AR: variants seen among roughly 807,000 people sequenced by gnomAD.
The protein encoded by AR is dihydrotestosterone receptor.
AR carries 8 observed loss-of-function variants against 53.9 expected under a neutral mutation model. The ratio of observed to expected loss-of-function variants is 0.15; its 90% CI spans 0.09 to 0.27. The LOEUF (loss-of-function observed/expected upper bound fraction) is 0.27. Among genes scored for constraint, AR ranks in the 10% least tolerant of loss-of-function variants. The pLI, the probability that AR is intolerant of heterozygous loss-of-function variation, is 1.00. For missense variants in AR, 639 were observed against 742.5 expected, an observed-to-expected ratio of 0.86 and a Z score of 1.62; for synonymous variants, 359 against 316.4, an observed-to-expected ratio of 1.13 and a Z score of -1.43.
intron 1 of AR, among the ~76,000 whole-genome samples, chrX:67,640,481 C>G (rs933839262): frequency 9.0e-6 from 1 of 111,509 alleles, no homozygotes; most frequent in Non-Finnish European, 1.9e-5. Flanking sequence ...CTATTAATTA[C>G]TTCCTCAATT....
intron 2 of AR, among the ~76,000 whole-genome samples, chrX:67,683,862 C>T (rs1269058344): frequency 3.7e-5 from 4 of 109,000 alleles, no homozygotes; most frequent in Admixed American, 2.0e-4. Context: ...GGAAATTATC[C>T]GAGTTCCAAA....
At chrX:67,568,905 G>C (rs1303789424) in intron 1 of AR, 1 of 1,205,070 alleles carries the variant, frequency 8.3e-7, no homozygotes, top group East Asian at 3.0e-5. Context: ...GCAAATGCCT[G>C]CCTGAAGCTG....
At chrX:67,639,229 A>G (rs1055176423) in intron 1 of AR, among the ~76,000 whole-genome samples, 1 of 111,943 alleles carries the variant, frequency 8.9e-6, no homozygotes, top group East Asian at 2.8e-4. Context: ...GCCTTGTAGT[A>G]TAGTTTGAAG....
At chrX:67,653,757 C>G (rs962179046) in intron 2 of AR, among the ~76,000 whole-genome samples, 6 of 110,732 alleles carry the variant, frequency 5.4e-5, no homozygotes, top group African/African-American at 1.6e-4. Context: ...AGATGCAGTG[C>G]AAAAGCACCA....
intron 1 of AR, among the ~76,000 whole-genome samples, chrX:67,587,960 A>T (rs1483063309): frequency 9.2e-6 from 1 of 109,070 alleles, no homozygotes; most frequent in Non-Finnish European, 1.9e-5. Flanking sequence ...CTACTGCTCC[A>T]TGTTGAAATG....
At chrX:67,672,640 C>T (rs1423866893) in intron 2 of AR, among the ~76,000 whole-genome samples, 1 of 111,240 alleles carries the variant, frequency 9.0e-6, no homozygotes, top group African/African-American at 3.3e-5. Flanking sequence ...AAAAACTCTA[C>T]ATTTTAACTT....
At chrX:67,645,489 A>T (rs1289703638) in intron 2 of AR, among the ~76,000 whole-genome samples, 1 of 111,003 alleles carries the variant, frequency 9.0e-6, no homozygotes, top group Non-Finnish European at 1.9e-5. Context: ...CAACTCACAG[A>T]ACACACAGAA....
At chrX:67,709,094 C>T (rs1349094008) in intron 3 of AR, among the ~76,000 whole-genome samples, 9 of 112,072 alleles carry the variant, frequency 8.0e-5, no homozygotes, top group Non-Finnish European at 1.7e-4. Flanking sequence ...GTCAGGGAGC[C>T]ACTTGAGGAG....
intron 1 of AR, among the ~76,000 whole-genome samples, chrX:67,629,360 T>C (rs1392088611): frequency 4.6e-5 from 5 of 109,681 alleles, no homozygotes; most frequent in Admixed American, 1.9e-4. Flanking sequence ...CCTGGTTTAG[T>C]CTTGGGAGGG....
At chrX:67,682,149 G>C (rs918189458) in intron 2 of AR, among the ~76,000 whole-genome samples, 3 of 111,677 alleles carry the variant, frequency 2.7e-5, no homozygotes, top group Non-Finnish European at 5.6e-5. Flanking sequence ...AGATAAGGAT[G>C]CTCACTCTCA....
At chrX:67,631,402 G>C (rs371761645) in intron 1 of AR, among the ~76,000 whole-genome samples, 4 of 110,978 alleles carry the variant, frequency 3.6e-5, no homozygotes, top group Admixed American at 1.9e-4. Context: ...ATCTTCCATC[G>C]CTGATACCCT....
rs748028548 is a variant in AR at position 67,701,035 on chromosome X, A to G, written c.1886-10367A>G. ...TTGCCCCAGAGAACAGTGTACATTC[A>G]CAGCATTATTCAGTAGAACTTTCTG... On this transcript the variant is annotated intron_variant, in intron 3 of 7. Coordinates refer to ENST00000374690, the MANE Select transcript of AR (RefSeq NM_000044.6). Among the ~76,000 whole-genome samples, 6 of 111,723 alleles carry G rather than the reference A, an allele frequency of 5.4e-5. No homozygotes were observed. The East Asian group carries it at 1.7e-3, about 32-fold the overall frequency.
intron 2 of AR, among the ~76,000 whole-genome samples, chrX:67,675,341 C>T (rs770352664): frequency 1.8e-5 from 2 of 110,845 alleles, no homozygotes; most frequent in South Asian, 7.8e-4. Context: ...AGTCCACTGG[C>T]TCTGAGGCTA....
chrX:67,570,180 C>T (rs190617456), intron 1 of AR, among the ~76,000 whole-genome samples: 8 of 111,783 alleles, frequency 7.2e-5, no homozygotes, highest in African/African-American at 9.7e-5. Context: ...TGTATGTGTA[C>T]GCATCCATGT....
chrX:67,682,430 G>A (rs1254170935), intron 2 of AR, among the ~76,000 whole-genome samples: 4 of 109,843 alleles, frequency 3.6e-5, no homozygotes, highest in African/African-American at 1.3e-4. Flanking sequence ...GAGTACAGGT[G>A]CACACCACCA....
chrX:67,672,394 G>T (rs1230226624), intron 2 of AR, among the ~76,000 whole-genome samples: 2 of 110,573 alleles, frequency 1.8e-5, no homozygotes, highest in Admixed American at 1.9e-4. Flanking sequence ...TTGTTTTCTG[G>T]TTATTCTGTG....
intron 5 of AR, among the ~76,000 whole-genome samples, chrX:67,719,567 C>T (rs889973060): frequency 1.8e-5 from 2 of 112,111 alleles, no homozygotes; most frequent in African/African-American, 6.5e-5. Flanking sequence ...ACCCCTATTC[C>T]TCCTGTAGGA....
At chrX:67,565,153 C>T (rs1161964753) in intron 1 of AR, among the ~76,000 whole-genome samples, 3 of 111,975 alleles carry the variant, frequency 2.7e-5, no homozygotes, top group African/African-American at 6.5e-5. Context: ...ACCATCCTCA[C>T]AGACCCTTCT....
Position 67,595,302 on chromosome X carries a change from G to A in AR, c.1617-47954G>A, listed in dbSNP as rs761301225. On this transcript the variant is annotated intron_variant, in intron 1 of 7. Transcript: ENST00000374690. ...CTTACACTGTATATTGACAAATTTA[G>A]CAACAAAATGAGCTTGAGAAAAAAA... Among the ~76,000 whole-genome samples the A allele has an allele frequency of 1.0e-4, 11 of 109,494 alleles. No individual in the cohort carries two copies. In the East Asian group the frequency reaches 3.2e-3, roughly 31 times the overall value.
Sources: allele counts gnomAD v4.1 joint callset (sites outside exome capture counted in the v4.1 genomes callset), GRCh38; gene constraint gnomAD v4.1.1; transcripts MANE v1.5; gene names NCBI Gene and HGNC (gene_info 2026-07-23, HGNC 2026-07-21).